The following DNAH2 variants were observed in gnomAD, a reference collection of about 807,000 sequenced individuals.
DNAH2 encodes the protein axonemal beta dynein heavy chain 2.
DNAH2 carries 323 observed loss-of-function variants against 523.5 expected under a neutral mutation model. The observed-to-expected ratio is 0.62, with a 90% confidence interval of 0.56 to 0.68. DNAH2 has a LOEUF of 0.68. DNAH2 is among the 30% of genes least tolerant of loss of function. DNAH2 has a pLI of 0.00. For synonymous variants in DNAH2, 2,093 were observed against 2,177.4 expected (o/e 0.96, Z 1.08); for missense variants, 4,907 against 5,701.5 (o/e 0.86, Z 4.49).
chr17:7,775,424 A>G (rs2076422645), intron 30 of DNAH2, 82 bp downstream of exon 30: 10 of 1,337,942 alleles, frequency 7.5e-6, no homozygotes, highest in Non-Finnish European at 1.0e-5. Flanking sequence ...AGTGGCTCAC[A>G]CTTGTAATCC....
chr17:7,816,718 T>C lies in DNAH2; in HGVS notation c.9877T>C (p.Trp3293Arg). 2 of 1,613,866 alleles carry C rather than the reference T, an allele frequency of 1.2e-6. No individual in the cohort carries two copies. Among genetic ancestry groups the C allele is most frequent in the Non-Finnish European group, 1.7e-6 (2 of 1,180,010 alleles). ...VSGLAGEKAR[W>R]EETVQGLEED... is the part of the protein sequence containing the mutation. ...GGGGTTGGCTGGCGAGAAGGCCAGA[T>C]GGGAGGAGACAGTCCAGGTGAGATC... is the stretch of plus-strand genomic sequence containing the variant. The change falls in exon 64 of 86, where the codon TGG becomes CGG. Residue 3293 changes from tryptophan (W) to arginine (R), a missense_variant. By Grantham distance (101) the Trp-to-Arg change is moderately radical. This residue lies in a region of DNAH2 where 1,851 missense variants were observed against 2,139.4 expected (regional missense o/e 0.87). Transcript: ENST00000572933.
At chr17:7,763,150 A>ATATT (rs1177937936) in intron 18 of DNAH2, among the ~76,000 whole-genome samples, 25 of 148,642 alleles carry the variant, frequency 1.7e-4, no homozygotes, top group South Asian at 6.4e-4. Context: ...TAATTTTTGT[A>ATATT]TATTTATTTA....
chr17:7,796,473 AT>A lies in DNAH2; in HGVS notation c.7685del (p.Ile2562ThrfsTer8), dbSNP rs1567714415. ...INMTFPTKSQ[I>X]IRIFGTMINQ... The stretch of plus-strand genomic sequence containing the variant: ...CAGGGTCTGTTTCTAGAAGTCCCAG[AT>A]CATCCGCATATTCGGCACCATGATC... On this transcript the variant is annotated frameshift_variant, in exon 50 of 86. Coordinates refer to ENST00000572933, the MANE Select transcript of DNAH2 (RefSeq NM_020877.5). LOFTEE classifies it high-confidence loss of function. 17 of 1,613,832 alleles carry A rather than the reference AT, an allele frequency of 1.1e-5. No individual in the cohort carries two copies. The highest frequency in any genetic ancestry group is 1.4e-5 in the Non-Finnish European group (17 of 1,179,978).
intron 47 of DNAH2, 24 bp from the exon 48 acceptor site, chr17:7,792,957 A>T (rs765724863): frequency 6.2e-7 from 1 of 1,601,554 alleles, no homozygotes; most frequent in African/African-American, 1.3e-5. Flanking sequence ...GGACCCACAC[A>T]TTCATTCGGT....
intron 58 of DNAH2, 117 bp from the exon 59 acceptor site, chr17:7,804,139 G>C: frequency 3.9e-5 from 40 of 1,036,068 alleles, no homozygotes; most frequent in South Asian, 1.5e-4. Flanking sequence ...TGGGGGTAGT[G>C]TTGGTGGCAA....
At chr17:7,787,812 G>A in intron 42 of DNAH2, 48 bp from the exon 43 acceptor site, 1 of 1,560,450 alleles carries the variant, frequency 6.4e-7, no homozygotes, top group South Asian at 1.2e-5. Context: ...ATTCCTGAAG[G>A]TGGGGGATGC....
chr17:7,778,392 A>C lies in DNAH2; in HGVS notation c.5464A>C (p.Ile1822Leu), dbSNP rs879160470. 2.5e-6 allele frequency: 4 copies of C among 1,614,186 alleles called. No individual in the cohort carries two copies. The South Asian group carries it at 4.4e-5, about 18-fold the overall frequency. The change falls in exon 35 of 86, where the codon ATA (isoleucine) becomes CTA (leucine). Residue 1822 changes from isoleucine (I) to leucine (L), a missense_variant. Ile to Leu is a conservative substitution (Grantham distance 5). This residue lies in a region of DNAH2 where 2,806 missense variants were observed against 3,190.8 expected (regional missense o/e 0.88). Transcript: ENST00000572933. ...CAAGGACCTGGGCAAGGCCCTGGGC[A>C]TATATGTCATTGTGGTCAACTGCTC... ...TVKDLGKALGIYVIVVNCSEG... is the reference protein window; with the variant it reads ...TVKDLGKALGLYVIVVNCSEG...
At chr17:7,793,447 T>TTTC (rs2076958128) in intron 48 of DNAH2, among the ~76,000 whole-genome samples, 1 of 96,416 alleles carries the variant, frequency 1.0e-5, no homozygotes, top group East Asian at 2.7e-4. Context: ...CTTTCTTTCT[T>TTTC]TTTCTTTCTT....
At chr17:7,783,203 G>A (rs558268554) in intron 39 of DNAH2, among the ~76,000 whole-genome samples, 5 of 152,056 alleles carry the variant, frequency 3.3e-5, no homozygotes, top group African/African-American at 7.2e-5. Flanking sequence ...TCAGCCTCCC[G>A]AGTAGCTAGG....
rs2077153700 is a variant in DNAH2 at position 7,799,195 on chromosome 17, C to A, written c.8652C>A (p.Asn2884Lys). Residue 2884 changes from asparagine to lysine, a missense_variant, in exon 56 of 86, where the codon AAC becomes AAA. This residue lies in a region of DNAH2 where 1,851 missense variants were observed against 2,139.4 expected (regional missense o/e 0.87). Transcript: ENST00000572933. ...LFAYLIERVQ[N>K]NLHIVLCLSP... Reference sequence around the variant, plus strand: ...CCTACCTCATTGAACGCGTGCAGAACAACCTGCACATCGTGCTCTGCCTCA... The same window carrying A: ...CCTACCTCATTGAACGCGTGCAGAAAAACCTGCACATCGTGCTCTGCCTCA... 1 of 1,614,248 alleles carries A rather than the reference C, an allele frequency of 6.2e-7. No individual in the cohort carries two copies. The highest frequency in any genetic ancestry group is 1.3e-5 in the African/African-American group (1 of 75,072).
rs142684149 is a variant in DNAH2 at position 7,769,153 on chromosome 17, G to A, written c.3941+886G>A. ...GTTGTCTATCATGACTAAGTCTTATGTCTTTTTTTTTCCTTTTTTTGTGGG... is the reference window on the plus strand; with the variant it reads ...GTTGTCTATCATGACTAAGTCTTATATCTTTTTTTTTCCTTTTTTTGTGGG... On this transcript the variant is annotated intron_variant, in intron 24 of 85. Transcript: ENST00000572933. 1.2e-4 allele frequency among the ~76,000 whole-genome samples: 18 copies of A among 152,154 alleles called. No homozygotes were observed. In the East Asian group the frequency reaches 3.1e-3, roughly 26 times the overall value.
chr17:7,766,277 A>T (rs2076164140), intron 21 of DNAH2, 41 bp from the exon 22 acceptor site: 1 of 1,598,820 alleles, frequency 6.3e-7, no homozygotes, highest in East Asian at 2.2e-5. Context: ...TCCTTGCCAG[A>T]CGTGAGCGGG....
chr17:7,822,867 A>T (rs1321392775), intron 73 of DNAH2, among the ~76,000 whole-genome samples: 1 of 152,164 alleles, frequency 6.6e-6, no homozygotes, highest in African/African-American at 2.4e-5. Context: ...TAGGTTGGAG[A>T]CATTATTACC....
intron 12 of DNAH2, among the ~76,000 whole-genome samples, chr17:7,749,881 G>C (rs12325745): frequency 2.2e-4 from 34 of 152,172 alleles, no homozygotes; most frequent in African/African-American, 7.9e-4. Flanking sequence ...TGTAATCCTA[G>C]CTACTCAGGA....
chr17:7,745,343 G>A (rs1435357070), intron 12 of DNAH2, among the ~76,000 whole-genome samples: 1 of 152,088 alleles, frequency 6.6e-6, no homozygotes, highest in Non-Finnish European at 1.5e-5. Context: ...GAGACAAGAG[G>A]TAAAGAAATG....
chr17:7,733,475 C>CTTTTTT (rs1199721840), intron 5 of DNAH2, among the ~76,000 whole-genome samples, 160 bp downstream of exon 5: 48 of 113,816 alleles, frequency 4.2e-4, no homozygotes, highest in Non-Finnish European at 6.9e-4. Flanking sequence ...CCTTCTTCTT[C>CTTTTTT]TTTTTTTTTT....
Position 7,823,905 on chromosome 17 carries a change from G to T in DNAH2, c.11401G>T (p.Ala3801Ser), listed in dbSNP as rs2151336011. 1 of 1,614,018 alleles carries T rather than the reference G, an allele frequency of 6.2e-7. No homozygotes were observed. The highest frequency in any genetic ancestry group is 8.5e-7 in the Non-Finnish European group (1 of 1,180,034). Residue 3801 changes from alanine (A) to serine (S), a missense_variant, in exon 75 of 86, where the codon GCC becomes TCC. By Grantham distance (99) the Ala-to-Ser change is moderately conservative. This residue lies in a region of DNAH2 where 1,851 missense variants were observed against 2,139.4 expected (regional missense o/e 0.87). Coordinates refer to ENST00000572933, the MANE Select transcript of DNAH2 (RefSeq NM_020877.5). ...TCGCTCCCTGCGCCAGGACCGCGTG[G>T]CCTTCTGCGTGACCTCCTTCATCAT... ...IVRSLRQDRVAFCVTSFIITN... is the reference protein window; with the variant it reads ...IVRSLRQDRVSFCVTSFIITN...
Position 7,742,961 on chromosome 17 carries a change from G to A in DNAH2, c.1723G>A (p.Gly575Arg). Reference protein sequence around the residue: ...LAGAHFLPRIGTGKESVHTYQ... With the variant: ...LAGAHFLPRIRTGKESVHTYQ... ...TGGTGCTCATTTCCTGCCCCGTATT[G>A]GGACTGGAAAGGAGAGTGTGCACAC... The change falls in exon 12 of 86, where the codon GGG (glycine) becomes AGG (arginine). Residue 575 changes from glycine to arginine, a missense_variant. Coordinates refer to ENST00000572933, the MANE Select transcript of DNAH2 (RefSeq NM_020877.5). The A allele has an allele frequency of 2.0e-6, 3 of 1,475,574 alleles. No homozygotes were observed. The highest frequency in any genetic ancestry group is 2.7e-6 in the Non-Finnish European group (3 of 1,115,444). 91.4% of individuals were successfully genotyped at this position (1,475,574 alleles called of 1,614,324 possible). A position where few individuals can be genotyped will look rare whatever the true frequency, so the allele number is the denominator to read the frequency against.
Position 7,796,505 on chromosome 17 carries a change from G to A in DNAH2, c.7716G>A (p.Gln2572=). The change falls in exon 50 of 86, where the codon CAG becomes CAA. Residue 2572 remains glutamine, a synonymous_variant. Transcript: ENST00000572933. The part of the protein sequence containing the change: ...IIRIFGTMIN[Q]KLQDFEEEVK... ...GCATATTCGGCACCATGATCAATCA[G>A]AAGCTTCAGGACTTTGAGGAAGAGG... The A allele has an allele frequency of 6.2e-7, 1 of 1,613,826 alleles. No individual in the cohort carries two copies. The highest frequency in any genetic ancestry group is 1.1e-5 in the South Asian group (1 of 91,060).
Sources: gnomAD v4.1 joint callset for allele counts (sites outside exome capture counted in the v4.1 genomes callset) on GRCh38, gnomAD v4.1.1 for gene constraint, gnomAD v4.1.1 regional missense constraint, MANE v1.5 for transcripts, NCBI Gene and HGNC (gene_info 2026-07-23, HGNC 2026-07-21) for gene names.